Variants in TTLL7 observed in about 807,000 individuals in gnomAD.
The protein encoded by TTLL7 is tubulin tyrosine ligase like 7, also known as tubulin polyglutamylase TTLL7.
Under a neutral mutation model 120.2 loss-of-function variants are expected in TTLL7, and 53 were observed. The ratio of observed to expected loss-of-function variants is 0.44; its 90% CI spans 0.35 to 0.55. The LOEUF (loss-of-function observed/expected upper bound fraction) is 0.55, where lower values mean the gene tolerates loss of function less well. Ranked by LOEUF, TTLL7 falls within the 20% of genes least tolerant of loss-of-function variation. The pLI, the probability that TTLL7 is intolerant of heterozygous loss-of-function variation, is 0.00. For missense variants in TTLL7, 803 were observed against 1,054.7 expected, an observed-to-expected ratio of 0.76 and a Z score of 3.31; for synonymous variants, 353 against 351.7, an observed-to-expected ratio of 1.00 and a Z score of -0.04.
intron 7 of TTLL7, among the ~76,000 whole-genome samples, chr1:83,942,161 G>A (rs1648040944): frequency 6.6e-6 from 1 of 152,100 alleles, no homozygotes; most frequent in African/African-American, 2.4e-5. Flanking sequence ...TTATAATATA[G>A]TCATTTCTAT....
intron 1 of TTLL7, among the ~76,000 whole-genome samples, chr1:83,965,095 A>G (rs1450860733): frequency 7.6e-6 from 1 of 132,334 alleles, no homozygotes; most frequent in African/African-American, 2.9e-5. Flanking sequence ...AGAGGTCATC[A>G]ATCTCTCCCC....
At chr1:83,928,188 T>A (rs1292936763) in intron 10 of TTLL7, among the ~76,000 whole-genome samples, 1 of 152,088 alleles carries the variant, frequency 6.6e-6, no homozygotes. Flanking sequence ...CTTATTTAAA[T>A]AATAATAGTA....
chr1:83,915,858 G>C (rs1658110828), intron 14 of TTLL7, among the ~76,000 whole-genome samples: 1 of 152,096 alleles, frequency 6.6e-6, no homozygotes, highest in Non-Finnish European at 1.5e-5. Flanking sequence ...CTCAAAAGAA[G>C]ACATTTATGC....
chr1:83,961,593 T>TA (rs1650022172), intron 1 of TTLL7, among the ~76,000 whole-genome samples: 1 of 152,120 alleles, frequency 6.6e-6, no homozygotes, highest in African/African-American at 2.4e-5. Context: ...GAGAAAATCT[T>TA]ACTCAATAAG....
intron 18 of TTLL7, among the ~76,000 whole-genome samples, chr1:83,897,102 T>C (rs1245472581): frequency 6.6e-6 from 1 of 152,080 alleles, no homozygotes; most frequent in African/African-American, 2.4e-5. Flanking sequence ...CAAATAATTT[T>C]TTTTTAATTT....
intron 9 of TTLL7, 147 bp downstream of exon 9, chr1:83,933,461 T>A: frequency 1.2e-6 from 1 of 814,100 alleles, no homozygotes; most frequent in Non-Finnish European, 1.9e-6. Context: ...AGTCCCTGAA[T>A]TTTTATCCTC....
intron 1 of TTLL7, among the ~76,000 whole-genome samples, chr1:83,973,993 G>C (rs1651232249): frequency 6.6e-6 from 1 of 151,888 alleles, no homozygotes; most frequent in African/African-American, 2.4e-5. Flanking sequence ...CATCAGGCTG[G>C]ATCCTGAAGA....
chr1:83,870,933 C>T lies in TTLL7; in HGVS notation c.2544-851G>A, dbSNP rs78089610. On this transcript the variant is annotated intron_variant, in intron 20 of 20. Transcript: ENST00000260505. ...TCAAAAAAAAAAAAAATCATGATTA[C>T]GGGTTGCATGTAACCCTTGCAGCCA... 7.9e-3 allele frequency among the ~76,000 whole-genome samples: 1,189 copies of T among 150,666 alleles called. 15 individuals carry two copies. The highest frequency in any genetic ancestry group is 0.028 in the African/African-American group (1,144 of 40,898).
chr1:83,925,328 A>G (rs145481078), intron 10 of TTLL7, among the ~76,000 whole-genome samples: 1 of 152,254 alleles, frequency 6.6e-6, no homozygotes, highest in East Asian at 1.9e-4. Context: ...CTTCATCCCA[A>G]TGAATGGCAC....
At chr1:83,988,544 T>G (rs1443390960) in intron 1 of TTLL7, among the ~76,000 whole-genome samples, 3 of 152,224 alleles carry the variant, frequency 2.0e-5, no homozygotes, top group East Asian at 3.8e-4. Context: ...CTTGCTGGCA[T>G]CTGTTGGTTT....
chr1:83,892,477 TATGA>T (rs1259173585), intron 18 of TTLL7, among the ~76,000 whole-genome samples: 1 of 132,274 alleles, frequency 7.6e-6, no homozygotes, highest in Non-Finnish European at 1.7e-5. Flanking sequence ...TATATGAACA[TATGA>T]ATGAACATAT....
chr1:83,892,625 A>G (rs1294481321), intron 18 of TTLL7, among the ~76,000 whole-genome samples: 1 of 147,776 alleles, frequency 6.8e-6, no homozygotes, highest in Non-Finnish European at 1.5e-5. Flanking sequence ...CATATATATG[A>G]ACATATGAAT....
rs529196646 is a variant in TTLL7 at position 83,966,613 on chromosome 1, G to C, written c.-176-14226C>G. Among the ~76,000 whole-genome samples the C allele has an allele frequency of 1.6e-4, 24 of 152,086 alleles. No individual in the cohort carries two copies. In the South Asian group the frequency reaches 1.9e-3, roughly 12 times the overall value. On this transcript the variant is annotated intron_variant, in intron 1 of 20. Transcript: ENST00000260505. ...GAAAAGAAGGAAATGGATGAAGACA[G>C]TTGTATAAAGAATAATTTACAGTAT...
chr1:83,952,220 G>A lies in TTLL7; in HGVS notation c.-9C>T. On this transcript the variant is annotated 5_prime_UTR_variant, in exon 2 of 21. Coordinates refer to ENST00000260505, the MANE Select transcript of TTLL7 (RefSeq NM_024686.6). ...TGAGGCAGAGATGGCATTATTGCCT[G>A]TGCTGATTAGCAAGCAGTGTGTGCT... The A allele has an allele frequency of 6.2e-7, 1 of 1,613,900 alleles. No individual in the cohort carries two copies. Among genetic ancestry groups the A allele is most frequent in the Non-Finnish European group, 8.5e-7 (1 of 1,179,894 alleles).
At chr1:83,892,247 T>C (rs1394739324) in intron 18 of TTLL7, among the ~76,000 whole-genome samples, 2 of 138,172 alleles carry the variant, frequency 1.4e-5, no homozygotes, top group Non-Finnish European at 3.1e-5. Context: ...TGAATATATA[T>C]GTATATATGA....
At chr1:83,988,593 T>C (rs1460665525) in intron 1 of TTLL7, among the ~76,000 whole-genome samples, 1 of 152,218 alleles carries the variant, frequency 6.6e-6, no homozygotes, top group African/African-American at 2.4e-5. Flanking sequence ...TGATGCGAGA[T>C]GGTATCTCAT....
intron 8 of TTLL7, among the ~76,000 whole-genome samples, chr1:83,937,053 G>C (rs1231627827): frequency 1.3e-5 from 2 of 152,200 alleles, no homozygotes; most frequent in Non-Finnish European, 2.9e-5. Context: ...ATAGAGTCAT[G>C]TGCCACATAA....
At chr1:83,997,977 T>C (rs1267885123) in intron 1 of TTLL7, among the ~76,000 whole-genome samples, 1 of 152,246 alleles carries the variant, frequency 6.6e-6, no homozygotes, top group African/African-American at 2.4e-5. Context: ...TTCTTTCATA[T>C]TGAAGGAGCA....
intron 18 of TTLL7, among the ~76,000 whole-genome samples, chr1:83,892,932 A>AAGAAAGAAAAGAG (rs1257711009): frequency 8.8e-6 from 1 of 114,130 alleles, no homozygotes; most frequent in Non-Finnish European, 1.6e-5. Flanking sequence ...GAAAAAGAGA[A>AAGAAAGAAAAGAG]AGAAAGAAAG....
Sources: gnomAD v4.1 joint callset for allele counts (sites outside exome capture counted in the v4.1 genomes callset) on GRCh38, gnomAD v4.1.1 for gene constraint, MANE v1.5 for transcripts, NCBI Gene and HGNC (gene_info 2026-07-23, HGNC 2026-07-21) for gene names.